Variants in PIR observed in about 807,000 individuals in gnomAD.
PIR encodes pirin (iron-binding nuclear protein).
A neutral mutation model predicts 24.2 loss-of-function variants in PIR; 22 were observed. The ratio of observed to expected loss-of-function variants is 0.91; its 90% CI spans 0.65 to 1.30. The LOEUF (loss-of-function observed/expected upper bound fraction) is 1.30, where lower values mean the gene tolerates loss of function less well. Among genes scored for constraint, PIR ranks in the 50% most tolerant of loss-of-function variants. The pLI is 0.00. For synonymous variants in PIR, 80 were observed against 79.6 expected (o/e 1.00, Z -0.03); for missense variants, 220 against 220.3 (o/e 1.00, Z 0.01).
At chrX:15,435,497 G>T (rs1925723775) in intron 5 of PIR, among the ~76,000 whole-genome samples, 1 of 111,728 alleles carries the variant, frequency 9.0e-6, no homozygotes, top group Non-Finnish European at 1.9e-5. Context: ...GCCTCAATGG[G>T]GAAAACCAAG....
intron 6 of PIR, among the ~76,000 whole-genome samples, chrX:15,408,689 C>T (rs570688699): frequency 5.4e-5 from 6 of 111,624 alleles, no homozygotes; most frequent in Non-Finnish European, 1.1e-4. Flanking sequence ...CCTCCATGTG[C>T]CTTCAGTGGA....
intron 5 of PIR, among the ~76,000 whole-genome samples, chrX:15,446,624 G>T (rs1290484499): frequency 9.0e-6 from 1 of 111,596 alleles, no homozygotes; most frequent in Non-Finnish European, 1.9e-5. Flanking sequence ...TTCTCCTTTA[G>T]ACTTAGGCCT....
intron 3 of PIR, among the ~76,000 whole-genome samples, chrX:15,462,074 A>T (rs1921327846): frequency 8.9e-6 from 1 of 111,971 alleles, no homozygotes; most frequent in Non-Finnish European, 1.9e-5. Context: ...ACCTTTTGGT[A>T]GAACAAGACT....
chrX:15,485,621 T>C (rs985055310), intron 2 of PIR, among the ~76,000 whole-genome samples: 2 of 112,061 alleles, frequency 1.8e-5, no homozygotes, highest in Non-Finnish European at 3.8e-5. Flanking sequence ...CTGAAGAAGC[T>C]AGGGGGCTGA....
At chrX:15,453,036 G>T (rs1049586248) in intron 5 of PIR, among the ~76,000 whole-genome samples, 1 of 111,446 alleles carries the variant, frequency 9.0e-6, no homozygotes, top group Non-Finnish European at 1.9e-5. Flanking sequence ...TTCTTTTTAT[G>T]GTAGGTCTAG....
At chrX:15,463,078 C>T (rs1256220124) in intron 3 of PIR, among the ~76,000 whole-genome samples, 1 of 111,646 alleles carries the variant, frequency 9.0e-6, no homozygotes, top group Non-Finnish European at 1.9e-5. Flanking sequence ...AAGCAAGTGT[C>T]CTCTTTCTCT....
At position 15,463,817 on chromosome X, in the gene PIR, A is replaced by G. The variant is rs189819166; in HGVS notation, c.190-4077T>C. Among the ~76,000 whole-genome samples, 313 of 112,583 alleles carry G rather than the reference A, an allele frequency of 2.8e-3. 1 individual carries two copies. Among genetic ancestry groups the G allele is most frequent in the African/African-American group, 9.6e-3 (298 of 30,992 alleles). On this transcript the variant is annotated intron_variant, in intron 3 of 9. Coordinates refer to ENST00000380420, the MANE Select transcript of PIR (RefSeq NM_001018109.3). ...CCAGTGAATGATGTTAGAACAAATG[A>G]CCATATGAGAAAAGACAGTAATCCC...
At chrX:15,451,119 C>T (rs1180904210) in intron 5 of PIR, among the ~76,000 whole-genome samples, 1 of 111,622 alleles carries the variant, frequency 9.0e-6, no homozygotes, top group African/African-American at 3.3e-5. Context: ...AAGAATTGCC[C>T]GAGGGACATG....
chrX:15,477,728 G>A (rs997846760), intron 3 of PIR, among the ~76,000 whole-genome samples: 1 of 111,556 alleles, frequency 9.0e-6, no homozygotes, highest in African/African-American at 3.3e-5. Context: ...TCACTTTCTT[G>A]TGAAACAAGA....
chrX:15,430,867 T>C, intron 5 of PIR, among the ~76,000 whole-genome samples: 1 of 111,952 alleles, frequency 8.9e-6, no homozygotes, highest in East Asian at 2.8e-4. Flanking sequence ...AGGAAGTATC[T>C]TGAATTTTGC....
At position 15,398,111 on chromosome X, in the gene PIR, G is replaced by T. The variant is rs998885986; in HGVS notation, c.611-580C>A. Among the ~76,000 whole-genome samples, 6 of 110,551 alleles carry T rather than the reference G, an allele frequency of 5.4e-5. No homozygotes were observed. In the South Asian group the frequency reaches 2.0e-3, roughly 36 times the overall value. ...GAATAAGACCCTTGGGTGGGGGTAG[G>T]GGGGAGGGATAGCATTAGGAGATAT... On this transcript the variant is annotated intron_variant, in intron 7 of 9. Coordinates refer to ENST00000380420, the MANE Select transcript of PIR (RefSeq NM_001018109.3).
At chrX:15,458,315 C>T (rs1461013665) in intron 4 of PIR, among the ~76,000 whole-genome samples, 2 of 111,584 alleles carry the variant, frequency 1.8e-5, no homozygotes, top group Non-Finnish European at 3.8e-5. Context: ...ATCCCCATTT[C>T]CTCATTTTTA....
At chrX:15,465,585 G>C (rs769851686) in intron 3 of PIR, among the ~76,000 whole-genome samples, 3 of 112,125 alleles carry the variant, frequency 2.7e-5, no homozygotes, top group Non-Finnish European at 3.8e-5. Flanking sequence ...ATCTGAAACA[G>C]GTGTTTTCTT....
intron 5 of PIR, among the ~76,000 whole-genome samples, chrX:15,443,086 C>T (rs1165271654): frequency 1.8e-5 from 2 of 111,789 alleles, no homozygotes; most frequent in Non-Finnish European, 3.8e-5. Flanking sequence ...CAGGCTGACT[C>T]TCTCTCGTTA....
At chrX:15,393,980 G>A (rs949061202) in intron 8 of PIR, among the ~76,000 whole-genome samples, 4 of 110,172 alleles carry the variant, frequency 3.6e-5, no homozygotes, top group South Asian at 7.8e-4. Context: ...AAGGTAATGC[G>A]CTTGAAGCAT....
chrX:15,425,593 G>A (rs1925284481), intron 6 of PIR, among the ~76,000 whole-genome samples: 1 of 109,571 alleles, frequency 9.1e-6, no homozygotes, highest in Admixed American at 9.7e-5. Flanking sequence ...TGTATTTTTA[G>A]TAGAGACGGG....
At chrX:15,397,266 T>C (rs1437961316) in intron 8 of PIR, among the ~76,000 whole-genome samples, 183 bp downstream of exon 8, 3 of 112,205 alleles carry the variant, frequency 2.7e-5, no homozygotes, top group African/African-American at 9.7e-5. Flanking sequence ...TCAATAAAGA[T>C]AAAACTTTAA....
At chrX:15,445,886 G>A (rs986914951) in intron 5 of PIR, among the ~76,000 whole-genome samples, 5 of 82,352 alleles carry the variant, frequency 6.1e-5, no homozygotes, top group Admixed American at 3.3e-4. Context: ...CTGAAGTGCT[G>A]TGGCGCGATC....
intron 1 of PIR, among the ~76,000 whole-genome samples, chrX:15,491,615 A>G (rs923118504): frequency 8.9e-6 from 1 of 112,356 alleles, no homozygotes; most frequent in Non-Finnish European, 1.9e-5. Flanking sequence ...ATTCAGGTCA[A>G]CATTACACAG....
Sources: gnomAD v4.1 joint callset for allele counts (sites outside exome capture counted in the v4.1 genomes callset) on GRCh38, gnomAD v4.1.1 for gene constraint, MANE v1.5 for transcripts, NCBI Gene and HGNC (gene_info 2026-07-23, HGNC 2026-07-21) for gene names.